Variants in PCDHGB4 observed in about 807,000 individuals in gnomAD.
PCDHGB4 encodes the protein protocadherin gamma subfamily B, 4.
Under a neutral mutation model 60.5 loss-of-function variants are expected in PCDHGB4, and 38 were observed. The observed-to-expected ratio is 0.63, with a 90% CI of 0.48 to 0.82. PCDHGB4 has a LOEUF of 0.82. PCDHGB4 is among the 40% of genes least tolerant of loss of function. The probability of loss-of-function intolerance (pLI) is 0.00; values close to 1 mark genes in which losing one functional copy is unlikely to be tolerated. For missense variants in PCDHGB4, 1,109 were observed against 1,209.6 expected (o/e 0.92, Z 1.23); for synonymous variants, 456 against 509.7 (o/e 0.89, Z 1.42).
Position 141,446,243 on chromosome 5 carries a change from C to T in PCDHGB4, c.2398-48564C>T, listed in dbSNP as rs552551215. Among the ~76,000 whole-genome samples, 23 of 152,096 alleles carry T rather than the reference C, an allele frequency of 1.5e-4. 1 individual carries two copies. The South Asian group carries it at 4.6e-3, about 30-fold the overall frequency. On this transcript the variant is annotated intron_variant, in intron 1 of 3. Coordinates refer to ENST00000519479, the MANE Select transcript of PCDHGB4 (RefSeq NM_003736.4). ...TTGTGTTGCCTGGCAAGTGGTAGAT[C>T]TTCAGTGAAATATTATTAACTGAAT...
intron 1 of PCDHGB4, chr5:141,413,731 G>A (rs1008251304): frequency 6.2e-7 from 1 of 1,613,454 alleles, no homozygotes; most frequent in South Asian, 1.1e-5. Context: ...CTCCCTAAGA[G>A]TTCAGAGCCG....
At chr5:141,407,980 C>G in intron 1 of PCDHGB4, 1 of 760,358 alleles carries the variant, frequency 1.3e-6, no homozygotes, top group Non-Finnish European at 2.0e-6. Flanking sequence ...CGCCGGGGAT[C>G]CGTCAGCCTC....
In PCDHGB4 at chr5:141,486,885, G is replaced by C. The variant is rs139638334; in HGVS notation, c.2398-7922G>C. 1.2e-6 allele frequency: 2 copies of C among 1,614,076 alleles called. No individual in the cohort carries two copies. Among genetic ancestry groups the C allele is most frequent in the East Asian group, 4.5e-5 (2 of 44,892 alleles). On this transcript the variant is annotated intron_variant, in intron 1 of 3. Coordinates refer to ENST00000519479, the MANE Select transcript of PCDHGB4 (RefSeq NM_003736.4). This position sits in a 1 kb window ranked among gnomAD's most constrained non-coding sequence, Gnocchi z 5.0. ...CCAGCTGTGCTCCGTCCTCGGGCCC[G>C]GCCTGGTTCCTTATGTCCCCAAGCA...
At chr5:141,464,218 T>C (rs1464478430) in intron 1 of PCDHGB4, among the ~76,000 whole-genome samples, 1 of 150,958 alleles carries the variant, frequency 6.6e-6, no homozygotes, top group Non-Finnish European at 1.5e-5. Flanking sequence ...TGAGCTGAGA[T>C]TGCGCCACTG....
intron 1 of PCDHGB4, chr5:141,422,936 C>T: frequency 6.2e-7 from 1 of 1,614,260 alleles, no homozygotes; most frequent in Non-Finnish European, 8.5e-7. Flanking sequence ...GCCCTCCCCA[C>T]AGACGGCTCC....
intron 2 of PCDHGB4, among the ~76,000 whole-genome samples, chr5:141,500,695 T>G (rs1214079801): frequency 1.3e-5 from 2 of 152,214 alleles, no homozygotes; most frequent in Admixed American, 6.5e-5. Flanking sequence ...TTTTTCTTCT[T>G]TGCAGTGTAT....
intron 1 of PCDHGB4, chr5:141,419,680 C>T (rs757026598): frequency 9.3e-6 from 15 of 1,612,946 alleles, no homozygotes; most frequent in Non-Finnish European, 1.3e-5. Flanking sequence ...TGTCCTACCA[C>T]GTGGTGCAGG....
Position 141,432,325 on chromosome 5 carries a change from C to CGAGCA in PCDHGB4, c.2397+42046_2397+42050dup, listed in dbSNP as rs768604869. On this transcript the variant is annotated intron_variant, in intron 1 of 3. Coordinates refer to ENST00000519479, the MANE Select transcript of PCDHGB4 (RefSeq NM_003736.4). This position sits in a 1 kb window ranked among gnomAD's most constrained non-coding sequence, Gnocchi z 6.0. Reference sequence around the variant, plus strand: ...TGTATGCGCTGAGCTCCTTCGACTACGAGCAGTTCCGAGACTTGCAAGTGA... The same window carrying CGAGCA: ...TGTATGCGCTGAGCTCCTTCGACTACGAGCAGAGCAGTTCCGAGACTTGCAAGTGA... 20 of 1,614,142 alleles carry CGAGCA rather than the reference C, an allele frequency of 1.2e-5. No individual in the cohort carries two copies. Among genetic ancestry groups the CGAGCA allele is most frequent in the Non-Finnish European group, 1.7e-5 (20 of 1,180,050 alleles).
chr5:141,390,186 A>G lies in PCDHGB4; in HGVS notation c.2302A>G (p.Ser768Gly), dbSNP rs760464699. ...GKTEFNFLKC[S>G]EQLSSGQDIL... The stretch of plus-strand genomic sequence containing the variant: ...GACGGAGTTTAATTTCCTAAAATGT[A>G]GTGAGCAGTTGAGTTCAGGACAAGA... Residue 768 changes from serine (S) to glycine (G), a missense_variant, in exon 1 of 4, where the codon AGT becomes GGT. Coordinates refer to ENST00000519479, the MANE Select transcript of PCDHGB4 (RefSeq NM_003736.4). 6.2e-7 allele frequency: 1 copy of G among 1,614,048 alleles called. No homozygotes were observed. The highest frequency in any genetic ancestry group is 2.2e-5 in the East Asian group (1 of 44,890).
intron 1 of PCDHGB4, chr5:141,411,213 CTATT>C (rs1479996814): frequency 1.3e-5 from 2 of 152,186 alleles, no homozygotes; most frequent in African/African-American, 2.4e-5. Context: ...AGTAACCTAT[CTATT>C]CAAATTTGCG....
chr5:141,491,434 A>T lies in PCDHGB4; in HGVS notation c.2398-3373A>T. 6.2e-7 allele frequency: 1 copy of T among 1,614,032 alleles called. No homozygotes were observed. Among genetic ancestry groups the T allele is most frequent in the Non-Finnish European group, 8.5e-7 (1 of 1,179,988 alleles). On this transcript the variant is annotated intron_variant, in intron 1 of 3. Transcript: ENST00000519479. The surrounding 1 kb of genome is among the most constrained non-coding windows in gnomAD (Gnocchi z 6.9). ...GGACGGGGGTGGAGGGCAGTGCTGC[A>T]GGCGCCAGGACTCACCCTCCCCGGA...
intron 1 of PCDHGB4, among the ~76,000 whole-genome samples, chr5:141,448,169 A>C (rs1418273084): frequency 6.6e-6 from 1 of 152,014 alleles, no homozygotes; most frequent in Non-Finnish European, 1.5e-5. Flanking sequence ...GATCACTACT[A>C]TTCATCCCTG....
rs1267617024 is a variant in PCDHGB4 at position 141,476,542 on chromosome 5, G to T, written c.2398-18265G>T. The T allele has an allele frequency of 6.2e-7, 1 of 1,614,210 alleles. No individual in the cohort carries two copies. The highest frequency in any genetic ancestry group is 1.7e-5 in the Admixed American group (1 of 60,036). On this transcript the variant is annotated intron_variant, in intron 1 of 3. Transcript: ENST00000519479. This position sits in a 1 kb window ranked among gnomAD's most constrained non-coding sequence, Gnocchi z 7.6. ...CTTTCCCTACCCAGGAAATGAAATT[G>T]GAGATTAGCGAGGCCGTGGCTCCGG...
rs1562150111 is a variant in PCDHGB4, at chr5:141,491,805, T to G, written c.2398-3002T>G. 1 of 1,495,892 alleles carries G rather than the reference T, an allele frequency of 6.7e-7. No homozygotes were observed. 92.7% of individuals were successfully genotyped at this position (1,495,892 alleles called of 1,614,324 possible). A position where few individuals can be genotyped will look rare whatever the true frequency, so the allele number is the denominator to read the frequency against. On this transcript the variant is annotated intron_variant, in intron 1 of 3. Coordinates refer to ENST00000519479, the MANE Select transcript of PCDHGB4 (RefSeq NM_003736.4). This position sits in a 1 kb window ranked among gnomAD's most constrained non-coding sequence, Gnocchi z 6.9. ...TGCATCCACTCCTCTCCGGCCGGCT[T>G]GGTCGCTGGCTGCGCTCCACCCGAT... is the stretch of plus-strand genomic sequence containing the variant.
intron 1 of PCDHGB4, chr5:141,428,062 A>G: frequency 6.2e-7 from 1 of 1,609,084 alleles, no homozygotes; most frequent in African/African-American, 1.3e-5. Flanking sequence ...GTGGCGGTGG[A>G]CGCAGATTCG....
chr5:141,388,282 T>A lies in PCDHGB4; in HGVS notation c.398T>A (p.Phe133Tyr). ...IEDINDHTPK[F>Y]TQNSFELQIS... ...GACATTAATGACCACACGCCAAAAT[T>A]CACGCAAAATTCCTTTGAGCTGCAA... Residue 133 changes from phenylalanine (F) to tyrosine (Y), a missense_variant, in exon 1 of 4, where the codon TTC becomes TAC. By Grantham distance (22) the Phe-to-Tyr change is conservative. This residue lies in a region of PCDHGB4 where 1,068 missense variants were observed against 1,089.9 expected (regional missense o/e 0.98). Coordinates refer to ENST00000519479, the MANE Select transcript of PCDHGB4 (RefSeq NM_003736.4). 1 of 1,613,222 alleles carries A rather than the reference T, an allele frequency of 6.2e-7. No homozygotes were observed. The highest frequency in any genetic ancestry group is 1.1e-5 in the South Asian group (1 of 91,012).
rs752401867 is a variant in PCDHGB4, at chr5:141,511,224, G to A, written c.*51G>A. On this transcript the variant is annotated 3_prime_UTR_variant, in exon 4 of 4. Transcript: ENST00000519479. ...GGGCGGCCTCTCCCCAACCAGCCCA[G>A]CTTCTCCTTACCTGCACCCAGGCCT... 1.2e-6 allele frequency: 2 copies of A among 1,603,276 alleles called. No homozygotes were observed.
Position 141,432,072 on chromosome 5 carries a change from T to C in PCDHGB4, c.2397+41791T>C, listed in dbSNP as rs1236871982. The C allele has an allele frequency of 6.2e-7, 1 of 1,614,178 alleles. No homozygotes were observed. The highest frequency in any genetic ancestry group is 8.5e-7 in the Non-Finnish European group (1 of 1,180,032). On this transcript the variant is annotated intron_variant, in intron 1 of 3. Coordinates refer to ENST00000519479, the MANE Select transcript of PCDHGB4 (RefSeq NM_003736.4). This position sits in a 1 kb window ranked among gnomAD's most constrained non-coding sequence, Gnocchi z 6.0. ...CCGCCCCTATCCACGGAAACTCATA[T>C]CTCGCTGAACGTGGCAGACACCAAC...
chr5:141,424,690 TA>T (rs796070231), intron 1 of PCDHGB4: 89 of 152,358 alleles, frequency 5.8e-4, no homozygotes, highest in African/African-American at 1.9e-3. Context: ...TCCTTCTGGC[TA>T]TTTTTTTGTT....
Sources: allele counts gnomAD v4.1 joint callset (sites outside exome capture counted in the v4.1 genomes callset), GRCh38; gene constraint gnomAD v4.1.1; regional missense constraint gnomAD v4.1.1; non-coding constraint Gnocchi (gnomAD v3.1); transcripts MANE v1.5; gene names NCBI Gene and HGNC (gene_info 2026-07-23, HGNC 2026-07-21).